Variants in IMPG1 observed in about 807,000 individuals in gnomAD.
The protein encoded by IMPG1 is interphotoreceptor matrix proteoglycan of 150 kDa.
A neutral mutation model predicts 92.0 loss-of-function variants in IMPG1; 85 were observed. The observed-to-expected ratio is 0.92, with a 90% CI of 0.78 to 1.11. The LOEUF is 1.11. IMPG1 is among the 50% of genes least tolerant of loss of function. The pLI, the probability that IMPG1 is intolerant of heterozygous loss-of-function variation, is 0.00. For synonymous variants in IMPG1, 367 were observed against 334.1 expected, an observed-to-expected ratio of 1.10 and a Z score of -1.08; for missense variants, 1,022 against 956.0, an observed-to-expected ratio of 1.07 and a Z score of -0.91.
In IMPG1 at chr6:76,058,439, G is replaced by A. The variant is rs560176036; in HGVS notation, c.67+13983C>T. On this transcript the variant is annotated intron_variant, in intron 1 of 16. Transcript: ENST00000369950. ...TGAGCATCTTTGTAGCAGATACCTCGTTAAAAACTTTAGCTCTTCAAGGCA... is the reference window on the plus strand; with the variant it reads ...TGAGCATCTTTGTAGCAGATACCTCATTAAAAACTTTAGCTCTTCAAGGCA... Among the ~76,000 whole-genome samples, 86 of 152,220 alleles carry A rather than the reference G, an allele frequency of 5.6e-4. 1 individual carries two copies. Among genetic ancestry groups the A allele is most frequent in the African/African-American group, 1.8e-3 (74 of 41,560 alleles).
At chr6:76,050,994 C>A (rs75451980) in intron 1 of IMPG1, among the ~76,000 whole-genome samples, 1 of 151,980 alleles carries the variant, frequency 6.6e-6, no homozygotes, top group Non-Finnish European at 1.5e-5. Flanking sequence ...TAAATTAGCA[C>A]GACCAGAGAC....
At position 76,031,126 on chromosome 6, in the gene IMPG1, A is replaced by G. The variant is rs568680330; in HGVS notation, c.497+3189T>C. Among the ~76,000 whole-genome samples, 15 of 152,290 alleles carry G rather than the reference A, an allele frequency of 9.8e-5. No homozygotes were observed. The South Asian group carries it at 2.5e-3, about 25-fold the overall frequency. On this transcript the variant is annotated intron_variant, in intron 4 of 16. Coordinates refer to ENST00000369950, the MANE Select transcript of IMPG1 (RefSeq NM_001563.4). The stretch of plus-strand genomic sequence containing the variant: ...GGCTGTGGGACGGACAAGGACCCCA[A>G]TTTTAGCTGAACTAAGGAAAAGTCC...
chr6:75,942,708 A>T (rs902962083), intron 14 of IMPG1, among the ~76,000 whole-genome samples: 6 of 152,214 alleles, frequency 3.9e-5, no homozygotes, highest in Non-Finnish European at 5.9e-5. Flanking sequence ...CAAAAGGAGA[A>T]AATTTGGATC....
At chr6:75,975,463 CATACCTTTGGCAGTT>C (rs1284914740) in intron 12 of IMPG1, among the ~76,000 whole-genome samples, 4 of 152,186 alleles carry the variant, frequency 2.6e-5, no homozygotes, top group Admixed American at 6.5e-5. Context: ...TATCACCTAG[CATACCTTTGGCAGTT>C]ATCTAATTTT....
chr6:76,033,842 T>TA (rs2149487729), intron 4 of IMPG1, among the ~76,000 whole-genome samples: 1 of 152,332 alleles, frequency 6.6e-6, no homozygotes, highest in East Asian at 1.9e-4. Flanking sequence ...TCTTATTTGA[T>TA]ATTCAGTTCT....
At chr6:75,995,761 T>C (rs1782889067) in intron 12 of IMPG1, among the ~76,000 whole-genome samples, 1 of 152,236 alleles carries the variant, frequency 6.6e-6, no homozygotes, top group African/African-American at 2.4e-5. Flanking sequence ...CGAGCTTCAG[T>C]GGTCACGGGG....
chr6:76,014,907 T>C (rs748298245), intron 7 of IMPG1, among the ~76,000 whole-genome samples: 8 of 152,174 alleles, frequency 5.3e-5, no homozygotes, highest in African/African-American at 9.7e-5. Flanking sequence ...TTTAGGAGTG[T>C]GAGGAAGGCA....
chr6:76,036,253 T>C (rs530946167), intron 2 of IMPG1, among the ~76,000 whole-genome samples: 8 of 152,352 alleles, frequency 5.3e-5, no homozygotes, highest in African/African-American at 1.9e-4. Context: ...CGACTAATTG[T>C]ATATGAACAA....
At chr6:75,997,305 T>G (rs1469355824) in intron 12 of IMPG1, among the ~76,000 whole-genome samples, 1 of 152,232 alleles carries the variant, frequency 6.6e-6, no homozygotes, top group Non-Finnish European at 1.5e-5. Context: ...TATTGACCAC[T>G]GTTGCCTAAA....
intron 13 of IMPG1, among the ~76,000 whole-genome samples, chr6:75,947,838 G>A (rs1394601142): frequency 6.7e-6 from 1 of 148,212 alleles, no homozygotes; most frequent in Non-Finnish European, 1.5e-5. Context: ...AGCAAAGCAG[G>A]AATGCCAAGT....
chr6:75,996,823 T>C (rs1782910228), intron 12 of IMPG1, among the ~76,000 whole-genome samples: 1 of 152,202 alleles, frequency 6.6e-6, no homozygotes, highest in South Asian at 2.1e-4. Flanking sequence ...CATAGAAATA[T>C]CATCTCTGAA....
chr6:75,941,712 A>T (rs1781838870), intron 14 of IMPG1, among the ~76,000 whole-genome samples: 1 of 152,226 alleles, frequency 6.6e-6, no homozygotes, highest in South Asian at 2.1e-4. Context: ...CAATGATTGT[A>T]GTTTCTGTTT....
rs950835448 is a variant in IMPG1 at position 76,041,139 on chromosome 6, G to GT, written c.301+753dup. Among the ~76,000 whole-genome samples, 32 of 150,830 alleles carry GT rather than the reference G, an allele frequency of 2.1e-4. 1 individual carries two copies. The highest frequency in any genetic ancestry group is 3.9e-4 in the East Asian group (2 of 5,166). On this transcript the variant is annotated intron_variant, in intron 2 of 16. Coordinates refer to ENST00000369950, the MANE Select transcript of IMPG1 (RefSeq NM_001563.4). ...TTTTAATAGTAGCTACCAAAGATTT[G>GT]TTTTTTTTTCTTTTAAAAAAGAAGC...
At chr6:76,009,410 G>T (rs1049818339) in intron 8 of IMPG1, among the ~76,000 whole-genome samples, 6 of 152,210 alleles carry the variant, frequency 3.9e-5, no homozygotes, top group Admixed American at 6.5e-5. Flanking sequence ...CTGGAGGACA[G>T]TCAGTACCAG....
At chr6:75,979,273 T>TA (rs1782590116) in intron 12 of IMPG1, among the ~76,000 whole-genome samples, 1 of 152,108 alleles carries the variant, frequency 6.6e-6, no homozygotes, top group African/African-American at 2.4e-5. Flanking sequence ...AAGGCTGACA[T>TA]TGGAGCAATA....
intron 1 of IMPG1, among the ~76,000 whole-genome samples, chr6:76,049,970 T>C (rs1582130355): frequency 6.6e-6 from 1 of 152,126 alleles, no homozygotes; most frequent in African/African-American, 2.4e-5. Flanking sequence ...TGCAACCCAG[T>C]GTAACTATGA....
At chr6:75,944,387 C>T (rs1781887388) in intron 14 of IMPG1, among the ~76,000 whole-genome samples, 1 of 152,218 alleles carries the variant, frequency 6.6e-6, no homozygotes, top group Non-Finnish European at 1.5e-5. Flanking sequence ...TTTGGATTTA[C>T]ATAGATGAAT....
intron 13 of IMPG1, 80 bp downstream of exon 13, chr6:75,950,482 A>G (rs2149457363): frequency 7.9e-7 from 1 of 1,271,954 alleles, no homozygotes; most frequent in African/African-American, 1.5e-5. Context: ...ATTGCTCAAG[A>G]CAGCCAATAA....
intron 7 of IMPG1, among the ~76,000 whole-genome samples, chr6:76,014,990 C>T (rs1783258834): frequency 6.6e-6 from 1 of 152,176 alleles, no homozygotes; most frequent in South Asian, 2.1e-4. Flanking sequence ...AGTCATGGAG[C>T]ACTAACCACT....
Sources: gnomAD v4.1 joint callset for allele counts (sites outside exome capture counted in the v4.1 genomes callset) on GRCh38, gnomAD v4.1.1 for gene constraint, MANE v1.5 for transcripts, NCBI Gene and HGNC (gene_info 2026-07-23, HGNC 2026-07-21) for gene names.